The following CAMTA1 variants were observed in gnomAD, a reference collection of about 807,000 sequenced individuals.
CAMTA1 encodes the protein calmodulin binding transcription activator 1, also known as calmodulin-binding transcription activator 1.
CAMTA1 carries 27 observed loss-of-function variants against 170.9 expected under a neutral mutation model. That is an observed-to-expected ratio of 0.16 (90% CI 0.12 to 0.22). The LOEUF is 0.22. Ranked by LOEUF, CAMTA1 falls within the 10% of genes least tolerant of loss-of-function variation. CAMTA1 has a pLI of 1.00. For synonymous variants in CAMTA1, 833 were observed against 891.5 expected (o/e 0.93, Z 1.17); for missense variants, 1,619 against 2,217.2 (o/e 0.73, Z 5.42).
At chr1:7,645,855 C>A (rs1006562377) in intron 7 of CAMTA1, among the ~76,000 whole-genome samples, 2 of 152,266 alleles carry the variant, frequency 1.3e-5, no homozygotes, top group Non-Finnish European at 2.9e-5. Context: ...CACGGGCACA[C>A]GACGTATCCA....
intron 3 of CAMTA1, among the ~76,000 whole-genome samples, chr1:6,837,629 C>G (rs778809750): frequency 4.6e-5 from 7 of 152,160 alleles, no homozygotes; most frequent in African/African-American, 7.2e-5. Flanking sequence ...CATCTTTCAG[C>G]TGTGTAGCAA....
intron 10 of CAMTA1, among the ~76,000 whole-genome samples, chr1:7,671,913 C>T (rs1026208061): frequency 7.2e-5 from 11 of 152,174 alleles, no homozygotes; most frequent in Admixed American, 2.0e-4. Context: ...GGCAGAGTGC[C>T]GGACATGTCA....
intron 5 of CAMTA1, among the ~76,000 whole-genome samples, chr1:7,357,799 G>T (rs2085240843): frequency 6.6e-6 from 1 of 152,194 alleles, no homozygotes; most frequent in African/African-American, 2.4e-5. Context: ...TTGATTCAGG[G>T]AAATCCCTGG....
At chr1:7,260,031 A>C (rs962090630) in intron 5 of CAMTA1, among the ~76,000 whole-genome samples, 1 of 152,238 alleles carries the variant, frequency 6.6e-6, no homozygotes, top group African/African-American at 2.4e-5. Context: ...CCAGACAGTA[A>C]ATCTTTTCAG....
chr1:7,215,838 C>A (rs562905457), intron 4 of CAMTA1, among the ~76,000 whole-genome samples: 1 of 152,218 alleles, frequency 6.6e-6, no homozygotes, highest in African/African-American at 2.4e-5. Context: ...TTATGAAATG[C>A]ATTGATTATC....
chr1:7,560,047 ACCC>A (rs1161746718), intron 6 of CAMTA1, among the ~76,000 whole-genome samples: 2 of 152,122 alleles, frequency 1.3e-5, no homozygotes, highest in Non-Finnish European at 2.9e-5. Context: ...TGACTCTGGG[ACCC>A]CAAGGCCCAG....
intron 6 of CAMTA1, among the ~76,000 whole-genome samples, chr1:7,517,148 G>A (rs1047637626): frequency 5.9e-5 from 9 of 152,148 alleles, no homozygotes; most frequent in African/African-American, 2.2e-4. Context: ...TCGTGGCCAC[G>A]TTATATTCCA....
At chr1:7,747,128 T>A (rs1021418525) in intron 18 of CAMTA1, among the ~76,000 whole-genome samples, 1 of 152,332 alleles carries the variant, frequency 6.6e-6, no homozygotes, top group Non-Finnish European at 1.5e-5. Context: ...CTGTTGGTAA[T>A]GATAATGCGT....
chr1:7,035,873 A>G (rs1703519770), intron 3 of CAMTA1, among the ~76,000 whole-genome samples: 1 of 152,264 alleles, frequency 6.6e-6, no homozygotes, highest in Non-Finnish European at 1.5e-5. Flanking sequence ...CAGTATTCTT[A>G]TATAATGAAA....
At chr1:7,338,073 A>G (rs2083529400) in intron 5 of CAMTA1, among the ~76,000 whole-genome samples, 1 of 143,870 alleles carries the variant, frequency 7.0e-6, no homozygotes, top group Non-Finnish European at 1.5e-5. Flanking sequence ...GACTACATAT[A>G]TATTGTCCTA....
At chr1:7,605,300 G>A (rs1401870874) in intron 6 of CAMTA1, among the ~76,000 whole-genome samples, 2 of 152,232 alleles carry the variant, frequency 1.3e-5, no homozygotes, top group Non-Finnish European at 2.9e-5. Context: ...TACAGAGGCA[G>A]GCAGGCCTCC....
At chr1:6,979,867 C>T (rs570993883) in intron 3 of CAMTA1, among the ~76,000 whole-genome samples, 43 of 152,140 alleles carry the variant, frequency 2.8e-4, no homozygotes, top group Non-Finnish European at 5.3e-4. Flanking sequence ...AGAGGACCCC[C>T]GGCGTGTGCA....
chr1:7,188,044 C>T lies in CAMTA1; in HGVS notation c.303-61447C>T, dbSNP rs540403120. On this transcript the variant is annotated intron_variant, in intron 4 of 22. Coordinates refer to ENST00000303635, the MANE Select transcript of CAMTA1 (RefSeq NM_015215.4). The stretch of plus-strand genomic sequence containing the variant: ...GGTGGAAGCTAAGGGGAAACAGGCA[C>T]CTTCTTCACAAGGTGGCAGGAGAGA... Among the ~76,000 whole-genome samples, 31 of 152,286 alleles carry T rather than the reference C, an allele frequency of 2.0e-4. No individual in the cohort carries two copies. In the South Asian group the frequency reaches 5.6e-3, roughly 27 times the overall value.
chr1:7,135,989 T>A (rs1338581910), intron 4 of CAMTA1, among the ~76,000 whole-genome samples: 4 of 152,222 alleles, frequency 2.6e-5, no homozygotes, highest in Admixed American at 2.0e-4. Context: ...CAAAGCCAAC[T>A]TTTTACTTTC....
At chr1:7,639,394 G>T (rs542990672) in intron 6 of CAMTA1, among the ~76,000 whole-genome samples, 1 of 152,158 alleles carries the variant, frequency 6.6e-6, no homozygotes, top group Non-Finnish European at 1.5e-5. Flanking sequence ...AAGAGTGGAC[G>T]AGCTGGATGG....
chr1:7,127,939 G>C (rs1330070711), intron 4 of CAMTA1, among the ~76,000 whole-genome samples: 1 of 152,184 alleles, frequency 6.6e-6, no homozygotes, highest in Admixed American at 6.5e-5. Flanking sequence ...TTCACTAAAG[G>C]ATTAGAGCGG....
chr1:7,150,858 G>T (rs907917209), intron 4 of CAMTA1, among the ~76,000 whole-genome samples: 9 of 152,176 alleles, frequency 5.9e-5, no homozygotes, highest in African/African-American at 2.2e-4. Context: ...GTCACTACTG[G>T]CTGGTGCCGC....
At chr1:7,121,398 A>G (rs1644633805) in intron 4 of CAMTA1, among the ~76,000 whole-genome samples, 1 of 152,216 alleles carries the variant, frequency 6.6e-6, no homozygotes, top group African/African-American at 2.4e-5. Flanking sequence ...ATCAAACTCT[A>G]ATGTGGTCAT....
chr1:7,092,084 A>G lies in CAMTA1; in HGVS notation c.302+713A>G, dbSNP rs1641541475. ...TGTTACAATCTAGAGCTTCGGAAAT[A>G]CATGGCCACTCTCTTCCAATTGCCG... On this transcript the variant is annotated intron_variant, in intron 4 of 22. Transcript: ENST00000303635. This position sits in a 1 kb window ranked among gnomAD's most constrained non-coding sequence, Gnocchi z 5.0. Among the ~76,000 whole-genome samples the G allele has an allele frequency of 6.6e-6, 1 of 152,212 alleles. No individual in the cohort carries two copies. The highest frequency in any genetic ancestry group is 2.1e-4 in the South Asian group (1 of 4,832).
Sources: allele counts gnomAD v4.1 joint callset (sites outside exome capture counted in the v4.1 genomes callset), GRCh38; gene constraint gnomAD v4.1.1; non-coding constraint Gnocchi (gnomAD v3.1); transcripts MANE v1.5; gene names NCBI Gene and HGNC (gene_info 2026-07-23, HGNC 2026-07-21).